ATP6V1A: variants seen among roughly 807,000 people sequenced by gnomAD.
ATP6V1A encodes the protein V-type proton ATPase catalytic subunit A.
In ATP6V1A, 18 loss-of-function variants were observed where a neutral mutation model predicts 70.1. The observed-to-expected ratio is 0.26, with a 90% CI of 0.18 to 0.38. ATP6V1A has a LOEUF of 0.38. Ranked by LOEUF, ATP6V1A falls within the 10% of genes least tolerant of loss-of-function variation. The pLI is 1.00. For synonymous variants in ATP6V1A, 232 were observed against 253.8 expected, an observed-to-expected ratio of 0.91 and a Z score of 0.82; for missense variants, 424 against 772.4, an observed-to-expected ratio of 0.55 and a Z score of 5.35.
chr3:113,780,966 G>C (rs1397967819), intron 2 of ATP6V1A, 84 bp from the exon 3 acceptor site: 1 of 1,492,704 alleles, frequency 6.7e-7, no homozygotes, highest in Non-Finnish European at 8.9e-7. Context: ...ACAATACTGG[G>C]TTTATTGGGT....
Position 113,784,230 on chromosome 3 carries a change from T to C in ATP6V1A, c.218T>C (p.Val73Ala). 1 of 1,614,070 alleles carries C rather than the reference T, an allele frequency of 6.2e-7. No homozygotes were observed. The highest frequency in any genetic ancestry group is 8.5e-7 in the Non-Finnish European group (1 of 1,179,922). ...CCTTAGCTGCTGTTTTTAGCTGGTG[T>C]GTCTGTTGGAGATCCTGTACTTCGC... ...TIQVYEETSG[V>A]SVGDPVLRTG... Residue 73 changes from valine (V) to alanine (A), a missense_variant, in exon 4 of 15, where the codon GTG becomes GCG. Transcript: ENST00000273398.
At position 113,754,431 on chromosome 3, in the gene ATP6V1A, G is replaced by A. The variant is rs150668569; in HGVS notation, c.-14+7318G>A. Among the ~76,000 whole-genome samples the A allele has an allele frequency of 9.4e-3, 1,434 of 152,178 alleles. 17 individuals are homozygous for A. The highest frequency in any genetic ancestry group is 0.032 in the African/African-American group (1,335 of 41,494). On this transcript the variant is annotated intron_variant, in intron 1 of 14. Coordinates refer to ENST00000273398, the MANE Select transcript of ATP6V1A (RefSeq NM_001690.4). ...ACCTGTAGTCCCAGCTACTCAAGAG[G>A]CTGAGGTGGGAGGATCACTTGATCC... is the stretch of plus-strand genomic sequence containing the variant.
At chr3:113,808,571 C>T (rs1412180231) in intron 14 of ATP6V1A, among the ~76,000 whole-genome samples, 3 of 152,012 alleles carry the variant, frequency 2.0e-5, no homozygotes, top group African/African-American at 4.8e-5. Flanking sequence ...GGATTACAGG[C>T]GTGAGCCACC....
intron 1 of ATP6V1A, among the ~76,000 whole-genome samples, chr3:113,773,652 C>T (rs944714703): frequency 8.5e-5 from 13 of 152,174 alleles, no homozygotes; most frequent in African/African-American, 3.1e-4. Flanking sequence ...GAACAGACAT[C>T]ATTATTCCCT....
At position 113,811,245 on chromosome 3, in the gene ATP6V1A, C is replaced by T. The variant is rs1209821283; in HGVS notation, c.*1818C>T. On this transcript the variant is annotated 3_prime_UTR_variant, in exon 15 of 15. Transcript: ENST00000273398. ...TTATTATTTAATTTTTTAGGTAATG[C>T]CTATCTCTTGGTCTATTAAGGAAAG... 1 of 152,170 alleles carries T rather than the reference C, an allele frequency of 6.6e-6. No individual in the cohort carries two copies. Among genetic ancestry groups the T allele is most frequent in the Non-Finnish European group, 1.5e-5 (1 of 68,016 alleles). 9.4% of individuals were successfully genotyped at this position (152,170 alleles called of 1,614,324 possible).
At chr3:113,778,683 T>G (rs1708944527) in intron 1 of ATP6V1A, 58 bp from the exon 2 acceptor site, 13 of 992,376 alleles carry the variant, frequency 1.3e-5, no homozygotes, top group Non-Finnish European at 1.9e-5. Context: ...ACCTATATTT[T>G]GGGTCTTTTG....
At chr3:113,756,095 A>G (rs1315047538) in intron 1 of ATP6V1A, among the ~76,000 whole-genome samples, 1 of 152,170 alleles carries the variant, frequency 6.6e-6, no homozygotes, top group South Asian at 2.1e-4. Context: ...CTATTTTTCT[A>G]TATTTAACAA....
chr3:113,784,461 T>G (rs780029179), intron 4 of ATP6V1A, 23 bp downstream of exon 4: 1 of 1,565,334 alleles, frequency 6.4e-7, no homozygotes, highest in South Asian at 1.1e-5. Context: ...AACCAAGAAT[T>G]TCTGAAGTTA....
At chr3:113,760,128 T>C (rs1030142996) in intron 1 of ATP6V1A, among the ~76,000 whole-genome samples, 27 of 152,254 alleles carry the variant, frequency 1.8e-4, no homozygotes, top group Admixed American at 1.0e-3. Flanking sequence ...ACCCTGGTTG[T>C]TAATCATAGT....
chr3:113,776,815 A>T (rs1708918953), intron 1 of ATP6V1A, among the ~76,000 whole-genome samples: 1 of 152,178 alleles, frequency 6.6e-6, no homozygotes, highest in African/African-American at 2.4e-5. Context: ...TATAGTCTTT[A>T]TACCAGTCAG....
chr3:113,782,574 G>GTATATATATATGTA (rs1491517072), intron 3 of ATP6V1A, among the ~76,000 whole-genome samples: 5 of 135,098 alleles, frequency 3.7e-5, no homozygotes, highest in African/African-American at 1.1e-4. Flanking sequence ...ATATATATAC[G>GTATATATATATGTA]TATATATATA....
chr3:113,747,043 G>A lies in ATP6V1A; in HGVS notation c.-84G>A, dbSNP rs1439831463. On this transcript the variant is annotated 5_prime_UTR_variant, in exon 1 of 15. Transcript: ENST00000273398. ...CCCCCCCCCCAACCTGTGCAGCTGA[G>A]GACTTCCCCTCCGTGGTGACAGCCT... is the stretch of plus-strand genomic sequence containing the variant. 4 of 116,110 alleles carry A rather than the reference G, an allele frequency of 3.4e-5. No homozygotes were observed. Among genetic ancestry groups the A allele is most frequent in the Non-Finnish European group, 5.0e-5 (3 of 60,100 alleles). 7.2% of individuals were successfully genotyped at this position (116,110 alleles called of 1,614,324 possible).
chr3:113,763,415 C>T (rs1318428846), intron 1 of ATP6V1A, among the ~76,000 whole-genome samples: 1 of 152,220 alleles, frequency 6.6e-6, no homozygotes, highest in Non-Finnish European at 1.5e-5. Flanking sequence ...GAGTAGCTCT[C>T]TAATGATTTG....
chr3:113,793,939 C>T (rs1250923243), intron 8 of ATP6V1A, among the ~76,000 whole-genome samples: 1 of 151,842 alleles, frequency 6.6e-6, no homozygotes, highest in East Asian at 1.9e-4. Context: ...GCGCTTTGTA[C>T]TTTTTAGATG....
At chr3:113,797,739 A>G (rs1709168720) in intron 11 of ATP6V1A, among the ~76,000 whole-genome samples, 1 of 152,232 alleles carries the variant, frequency 6.6e-6, no homozygotes, top group African/African-American at 2.4e-5. Context: ...TGCACTTGGA[A>G]AATGAAAGGA....
chr3:113,780,022 T>A (rs1274511680), intron 2 of ATP6V1A, among the ~76,000 whole-genome samples: 1 of 152,138 alleles, frequency 6.6e-6, no homozygotes, highest in Non-Finnish European at 1.5e-5. Context: ...TCCCTCCCCT[T>A]GCCTCCTGCA....
At chr3:113,754,892 C>A (rs1708629797) in intron 1 of ATP6V1A, among the ~76,000 whole-genome samples, 2 of 152,208 alleles carry the variant, frequency 1.3e-5, no homozygotes, top group East Asian at 3.8e-4. Flanking sequence ...TAGAATACAT[C>A]ATTCAAAGCC....
chr3:113,774,818 A>G lies in ATP6V1A; in HGVS notation c.-13-3923A>G, dbSNP rs561407051. ...ACAGAGTGAGACCCTGTCTCAAAAA[A>G]AAAAGAAAAGAAAAAAAAAAAGCAG... is the stretch of plus-strand genomic sequence containing the variant. On this transcript the variant is annotated intron_variant, in intron 1 of 14. Coordinates refer to ENST00000273398, the MANE Select transcript of ATP6V1A (RefSeq NM_001690.4). Among the ~76,000 whole-genome samples the G allele has an allele frequency of 2.1e-3, 323 of 152,172 alleles. 1 individual carries two copies. Among genetic ancestry groups the G allele is most frequent in the Non-Finnish European group, 3.6e-3 (242 of 68,014 alleles).
At chr3:113,791,395 T>G (rs75629746) in intron 8 of ATP6V1A, among the ~76,000 whole-genome samples, 1 of 55,106 alleles carries the variant, frequency 1.8e-5, no homozygotes, top group African/African-American at 7.9e-5. Context: ...ATTATTAGGG[T>G]TTTTTTTTTT....
Sources: allele counts gnomAD v4.1 joint callset (sites outside exome capture counted in the v4.1 genomes callset), GRCh38; gene constraint gnomAD v4.1.1; transcripts MANE v1.5; gene names NCBI Gene and HGNC (gene_info 2026-07-23, HGNC 2026-07-21).